The following EPHA8 variants were observed in gnomAD, a reference collection of about 807,000 sequenced individuals.
The protein encoded by EPHA8 is ephrin type-A receptor 8.
A neutral mutation model predicts 103.6 loss-of-function variants in EPHA8; 58 were observed. The observed-to-expected ratio is 0.56, with a 90% confidence interval of 0.45 to 0.70. The LOEUF is 0.70. Ranked by LOEUF, EPHA8 falls within the 30% of genes least tolerant of loss-of-function variation. EPHA8 has a pLI of 0.00. For synonymous variants in EPHA8, 559 were observed against 572.5 expected (o/e 0.98, Z 0.34); for missense variants, 1,304 against 1,395.2 (o/e 0.93, Z 1.04).
chr1:22,581,914 C>G (rs1487916864), intron 3 of EPHA8, among the ~76,000 whole-genome samples: 1 of 152,208 alleles, frequency 6.6e-6, no homozygotes, highest in Non-Finnish European at 1.5e-5. Context: ...GGCTGCGTAA[C>G]CTCATTTGGG....
Position 22,576,426 on chromosome 1 carries a change from C to T in EPHA8, c.369C>T (p.Asn123=). ...TGGGCACCTGCAAGGAGACCTTCAA[C>T]CTCTACTACCTGGAGTCGGACCGCG... ...GVLGTCKETF[N]LYYLESDRDL... is the part of the protein sequence containing the mutation. Residue 123 remains asparagine, a synonymous_variant, in exon 3 of 17, where the codon AAC becomes AAT. Coordinates refer to ENST00000166244, the MANE Select transcript of EPHA8 (RefSeq NM_020526.5). The surrounding 1 kb of genome is among the most constrained non-coding windows in gnomAD (Gnocchi z 4.8). 2.5e-6 allele frequency: 4 copies of T among 1,614,038 alleles called. No homozygotes were observed. The highest frequency in any genetic ancestry group is 3.4e-6 in the Non-Finnish European group (4 of 1,180,048).
At chr1:22,601,187 C>A in intron 15 of EPHA8, 99 bp downstream of exon 15, 1 of 1,528,180 alleles carries the variant, frequency 6.5e-7, no homozygotes, top group Non-Finnish European at 8.8e-7. Flanking sequence ...TAGGACCAGG[C>A]CCAGCCTGGG....
rs1380332345 is a variant in EPHA8 at position 22,600,162 on chromosome 1, GA to G, written c.2389-498del. On this transcript the variant is annotated intron_variant, in intron 13 of 16. Transcript: ENST00000166244. ...AGGAGGAGGGAGGGAGGGAAGGAGG[GA>G]GGCAGGAAGGAAGGAAAGAAGGAGG... 8.7e-4 allele frequency among the ~76,000 whole-genome samples: 109 copies of G among 125,112 alleles called. 1 individual carries two copies. The highest frequency in any genetic ancestry group is 3.3e-3 in the African/African-American group (107 of 32,288). The allele number at this position is 125,112 out of a possible 152,430, so 82.1% of individuals were successfully genotyped here. A position where few individuals can be genotyped will look rare whatever the true frequency, so the allele number is the denominator to read the frequency against.
rs753369755 is a variant in EPHA8, at chr1:22,597,348, C to G, written c.1802C>G (p.Pro601Arg). 3 of 1,611,436 alleles carry G rather than the reference C, an allele frequency of 1.9e-6. No individual in the cohort carries two copies. The highest frequency in any genetic ancestry group is 1.3e-5 in the African/African-American group (1 of 74,894). The change falls in exon 10 of 17, where the codon CCG becomes CGG. Residue 601 changes from proline (P) to arginine (R), a missense_variant. Coordinates refer to ENST00000166244, the MANE Select transcript of EPHA8 (RefSeq NM_020526.5). The surrounding 1 kb of genome is among the most constrained non-coding windows in gnomAD (Gnocchi z 4.6). ...PPVFLPLHHPPGKLPEPQFYA... is the reference protein window; with the variant it reads ...PPVFLPLHHPRGKLPEPQFYA... ...GTCTTCCTGCCTCTGCATCACCCCC[C>G]GGGAAAGCTCCCAGAGCCCCAGTTC...
chr1:22,583,193 G>T (rs1376054272), intron 3 of EPHA8, among the ~76,000 whole-genome samples: 2 of 152,210 alleles, frequency 1.3e-5, no homozygotes, highest in African/African-American at 4.8e-5. Context: ...ACCCTGGGTC[G>T]ACAGGCAGGG....
intron 14 of EPHA8, 28 bp downstream of exon 14, chr1:22,600,838 G>A (rs376321192): frequency 6.7e-5 from 107 of 1,589,828 alleles, no homozygotes; most frequent in Non-Finnish European, 8.1e-5. Flanking sequence ...GCAGGTCCGC[G>A]GGCGGTGGAG....
intron 3 of EPHA8, among the ~76,000 whole-genome samples, chr1:22,585,260 G>A (rs1282639503): frequency 6.6e-6 from 1 of 152,118 alleles, no homozygotes; most frequent in East Asian, 1.9e-4. Context: ...CACTAAACAA[G>A]GCTCCAAGTG....
At position 22,598,927 on chromosome 1, in the gene EPHA8, T is replaced by C. The variant is rs755679171; in HGVS notation, c.2268T>C (p.Tyr756=). 1.3e-5 allele frequency: 21 copies of C among 1,611,362 alleles called. No individual in the cohort carries two copies. Among genetic ancestry groups the C allele is most frequent in the Non-Finnish European group, 1.7e-5 (20 of 1,179,432 alleles). Residue 756 remains tyrosine, a synonymous_variant, in exon 13 of 17, where the codon TAT becomes TAC. Transcript: ENST00000166244. This position sits in a 1 kb window ranked among gnomAD's most constrained non-coding sequence, Gnocchi z 5.1. Reference sequence around the variant, plus strand: ...TGCGCTACCTCTCAGACCTGGGCTATGTCCACCGAGACCTGGCCGCCCGCA... The same window carrying C: ...TGCGCTACCTCTCAGACCTGGGCTACGTCCACCGAGACCTGGCCGCCCGCA... ...AGMRYLSDLG[Y]VHRDLAARNV...
At chr1:22,599,531 A>G (rs1309564078) in intron 13 of EPHA8, among the ~76,000 whole-genome samples, 4 of 151,328 alleles carry the variant, frequency 2.6e-5, no homozygotes, top group Non-Finnish European at 5.9e-5. Flanking sequence ...GCCTCTGGGT[A>G]AGGTTTCGCA....
rs1325977423 is a variant in EPHA8 at position 22,593,596 on chromosome 1, G to A, written c.1513G>A (p.Gly505Ser). The change falls in exon 7 of 17, where the codon GGC becomes AGC. Residue 505 changes from glycine to serine, a missense_variant. Gly to Ser is a moderately conservative substitution (Grantham distance 56). Transcript: ENST00000166244. The stretch of plus-strand genomic sequence containing the variant: ...AGCCACCGTCTCCGGCCTCAAGCCG[G>A]GCACCCGCTACGTGTTCCAGGTCCG... ...TRATVSGLKP[G>S]TRYVFQVRAR... The A allele has an allele frequency of 6.2e-7, 1 of 1,611,778 alleles. No homozygotes were observed. The highest frequency in any genetic ancestry group is 1.1e-5 in the South Asian group (1 of 90,814).
rs117363384 is a variant in EPHA8 at position 22,567,970 on chromosome 1, T to C, written c.95-1319T>C. Among the ~76,000 whole-genome samples, 460 of 152,324 alleles carry C rather than the reference T, an allele frequency of 3.0e-3. 10 individuals are homozygous for C. Among genetic ancestry groups the C allele is most frequent in the East Asian group, 6.2e-3 (32 of 5,186 alleles). ...AAAGGAAGCAAAGAGGTGAAGGGAC[T>C]TAACCAAGGACACACAGCAGTTAGA... On this transcript the variant is annotated intron_variant, in intron 1 of 16. Coordinates refer to ENST00000166244, the MANE Select transcript of EPHA8 (RefSeq NM_020526.5). This position sits in a 1 kb window ranked among gnomAD's most constrained non-coding sequence, Gnocchi z 4.2.
chr1:22,579,547 C>T (rs1048368916), intron 3 of EPHA8, among the ~76,000 whole-genome samples: 1 of 152,148 alleles, frequency 6.6e-6, no homozygotes, highest in Non-Finnish European at 1.5e-5. Context: ...CCAGGCACCC[C>T]AAGAGTGGGG....
chr1:22,599,622 A>G (rs67820792), intron 13 of EPHA8, among the ~76,000 whole-genome samples: 19,353 of 73,826 alleles, frequency 0.26, 2,536 homozygotes, highest in African/African-American at 0.34. Flanking sequence ...AGGGAGGAAG[A>G]AGGGAAGGAA....
At chr1:22,564,376 A>G (rs1469754841) in intron 1 of EPHA8, among the ~76,000 whole-genome samples, 5 of 143,858 alleles carry the variant, frequency 3.5e-5, no homozygotes, top group Non-Finnish European at 7.5e-5. Flanking sequence ...AGGGCAGGGG[A>G]GTTCCAGCTG....
intron 3 of EPHA8, among the ~76,000 whole-genome samples, chr1:22,578,504 G>C (rs922930477): frequency 7.0e-6 from 1 of 143,870 alleles, no homozygotes; most frequent in Non-Finnish European, 1.5e-5. Flanking sequence ...GTGCATGAGT[G>C]CATTAGTGTA....
In EPHA8 at chr1:22,586,063, T is replaced by C. The variant is rs1278303253; in HGVS notation, c.824-417T>C. 2.0e-5 allele frequency among the ~76,000 whole-genome samples: 3 copies of C among 152,168 alleles called. No individual in the cohort carries two copies. The East Asian group carries it at 5.8e-4, about 29-fold the overall frequency. On this transcript the variant is annotated intron_variant, in intron 3 of 16. Coordinates refer to ENST00000166244, the MANE Select transcript of EPHA8 (RefSeq NM_020526.5). ...CCGGGGCATTTGATCCTCAGCCCCA[T>C]GGCCCTGGCCCCTAGGCTGGCGTCC... is the stretch of plus-strand genomic sequence containing the variant.
At chr1:22,578,560 TTTG>T (rs1640889016) in intron 3 of EPHA8, among the ~76,000 whole-genome samples, 1 of 147,766 alleles carries the variant, frequency 6.8e-6, no homozygotes, top group East Asian at 2.1e-4. Context: ...AGTGTGCACA[TTTG>T]TTAGTGTCTG....
At chr1:22,586,748 G>T in intron 4 of EPHA8, 113 bp downstream of exon 4, 1 of 1,408,234 alleles carries the variant, frequency 7.1e-7, no homozygotes, top group Admixed American at 2.1e-5. Flanking sequence ...GCAGGGGCGG[G>T]TGGCTCTCTT....
At chr1:22,568,106 G>A (rs1457036434) in intron 1 of EPHA8, among the ~76,000 whole-genome samples, 1 of 152,236 alleles carries the variant, frequency 6.6e-6, no homozygotes, top group Admixed American at 6.5e-5. Flanking sequence ...GGGGGACTTA[G>A]AGAAGGGGAA....
Sources: allele counts gnomAD v4.1 joint callset (sites outside exome capture counted in the v4.1 genomes callset), GRCh38; gene constraint gnomAD v4.1.1; non-coding constraint Gnocchi (gnomAD v3.1); transcripts MANE v1.5; gene names NCBI Gene and HGNC (gene_info 2026-07-23, HGNC 2026-07-21).